Variants in PTPN2 observed in about 807,000 individuals in gnomAD.
PTPN2 encodes tyrosine-protein phosphatase non-receptor type 2.
In PTPN2, 19 loss-of-function variants were observed where a neutral mutation model predicts 57.3. The observed-to-expected ratio is 0.33, with a 90% CI of 0.23 to 0.49. The LOEUF (loss-of-function observed/expected upper bound fraction) is 0.49. Ranked by LOEUF, PTPN2 falls within the 20% of genes least tolerant of loss-of-function variation. PTPN2 has a pLI of 0.99. For missense variants in PTPN2, 358 were observed against 501.1 expected (o/e 0.71, Z 2.73); for synonymous variants, 153 against 164.9 (o/e 0.93, Z 0.55).
intron 1 of PTPN2, among the ~76,000 whole-genome samples, chr18:12,875,760 T>C (rs974125403): frequency 5.9e-5 from 9 of 152,180 alleles, no homozygotes; most frequent in African/African-American, 1.7e-4. Context: ...TCTGGACTAT[T>C]TGGAGACCAA....
At chr18:12,815,128 AT>A (rs1162172480) in intron 6 of PTPN2, among the ~76,000 whole-genome samples, 35 of 148,662 alleles carry the variant, frequency 2.4e-4, no homozygotes, top group South Asian at 6.3e-4. Context: ...AAATAAATAA[AT>A]AAATAAAAAT....
chr18:12,858,511 A>G (rs1177170069), intron 2 of PTPN2, among the ~76,000 whole-genome samples: 1 of 151,794 alleles, frequency 6.6e-6, no homozygotes, highest in Non-Finnish European at 1.5e-5. Flanking sequence ...ACTTATGCAA[A>G]AGAGTGGTAT....
At chr18:12,870,298 T>TAC (rs199522731) in intron 1 of PTPN2, among the ~76,000 whole-genome samples, 27,432 of 90,290 alleles carry the variant, frequency 0.3, 5,980 homozygotes, top group East Asian at 0.6. Context: ...TACATATATA[T>TAC]GTGTATATAT....
chr18:12,846,387 C>T (rs2043206635), intron 2 of PTPN2, among the ~76,000 whole-genome samples: 1 of 152,210 alleles, frequency 6.6e-6, no homozygotes, highest in African/African-American at 2.4e-5. Context: ...AAAGGTAGAA[C>T]TTTCCCTATC....
At chr18:12,861,208 T>C (rs897788991) in intron 1 of PTPN2, among the ~76,000 whole-genome samples, 11 of 152,348 alleles carry the variant, frequency 7.2e-5, no homozygotes, top group African/African-American at 2.6e-4. Context: ...TCCATTTTTC[T>C]GGAAGTGAAT....
At chr18:12,842,611 T>A (rs1427995841) in intron 2 of PTPN2, among the ~76,000 whole-genome samples, 1 of 152,074 alleles carries the variant, frequency 6.6e-6, no homozygotes, top group East Asian at 1.9e-4. Flanking sequence ...TGACTTAAGG[T>A]GGTACATACC....
chr18:12,873,843 G>A (rs1346691549), intron 1 of PTPN2, among the ~76,000 whole-genome samples: 2 of 152,086 alleles, frequency 1.3e-5, no homozygotes, highest in African/African-American at 4.8e-5. Flanking sequence ...AGGAAGTGAG[G>A]AGCGTCTCTG....
At position 12,874,403 on chromosome 18, in the gene PTPN2, G is replaced by A. The variant is rs548277723; in HGVS notation, c.69+9670C>T. 7.6e-3 allele frequency among the ~76,000 whole-genome samples: 1,118 copies of A among 147,810 alleles called. 22 individuals carry two copies. Among genetic ancestry groups the A allele is most frequent in the African/African-American group, 0.027 (1,081 of 39,856 alleles). ...GAAGTGAGGAGCCCCTTCCGGGAGGGAGGTGGGGGGATCAGCCCCCGCCCG... is the reference window on the plus strand; with the variant it reads ...GAAGTGAGGAGCCCCTTCCGGGAGGAAGGTGGGGGGATCAGCCCCCGCCCG... On this transcript the variant is annotated intron_variant, in intron 1 of 8. Transcript: ENST00000309660.
At chr18:12,799,549 A>T (rs2080887944) in intron 8 of PTPN2, among the ~76,000 whole-genome samples, 1 of 151,992 alleles carries the variant, frequency 6.6e-6, no homozygotes, top group South Asian at 2.1e-4. Flanking sequence ...GTTCAGAGTA[A>T]CCTTTACTTC....
chr18:12,826,607 C>T (rs1241976165), intron 4 of PTPN2, among the ~76,000 whole-genome samples: 1 of 152,114 alleles, frequency 6.6e-6, no homozygotes, highest in Non-Finnish European at 1.5e-5. Context: ...CTTGCTCTGT[C>T]GCCCAGGCTG....
chr18:12,855,425 T>TGGGG (rs2043553682), intron 2 of PTPN2, among the ~76,000 whole-genome samples: 1 of 149,788 alleles, frequency 6.7e-6, no homozygotes, highest in African/African-American at 2.5e-5. Flanking sequence ...ATGAGGAGGA[T>TGGGG]GGGGACGAAG....
At chr18:12,860,170 T>G (rs1036686377) in intron 1 of PTPN2, among the ~76,000 whole-genome samples, 3 of 152,006 alleles carry the variant, frequency 2.0e-5, no homozygotes, top group Non-Finnish European at 4.4e-5. Flanking sequence ...GTGCCTGTAA[T>G]CCCAGCTACT....
chr18:12,882,044 T>C (rs934641750), intron 1 of PTPN2, among the ~76,000 whole-genome samples: 4 of 152,176 alleles, frequency 2.6e-5, no homozygotes, highest in African/African-American at 4.8e-5. Context: ...CATTCTCTGC[T>C]GAATCCCCAA....
chr18:12,819,248 T>G, intron 5 of PTPN2: 1 of 1,460,712 alleles, frequency 6.8e-7, no homozygotes, highest in South Asian at 1.3e-5. Flanking sequence ...CATTAATAAT[T>G]TCAAATACAG....
chr18:12,863,728 C>T (rs1457877227), intron 1 of PTPN2: 2 of 152,080 alleles, frequency 1.3e-5, no homozygotes, highest in Admixed American at 1.3e-4. Context: ...GAACATATCC[C>T]CCACCAACAC....
intron 2 of PTPN2, chr18:12,844,066 T>C (rs530019883): frequency 6.6e-6 from 1 of 152,264 alleles, no homozygotes; most frequent in South Asian, 2.1e-4. Flanking sequence ...AACTGGATTG[T>C]TTTCACCCAG....
intron 1 of PTPN2, among the ~76,000 whole-genome samples, chr18:12,875,144 TCAAGTACCCAGGGACACAAA>T (rs1311225601): frequency 1.3e-5 from 2 of 152,122 alleles, no homozygotes; most frequent in East Asian, 1.9e-4. Context: ...CTCCCTAATC[TCAAGTACCCAGGGACACAAA>T]CACTGCGGAA....
intron 2 of PTPN2, among the ~76,000 whole-genome samples, chr18:12,857,369 A>G (rs938335845): frequency 6.6e-6 from 1 of 152,144 alleles, no homozygotes; most frequent in Non-Finnish European, 1.5e-5. Flanking sequence ...AAACTGGTGA[A>G]ACCTGGATGG....
intron 7 of PTPN2, among the ~76,000 whole-genome samples, chr18:12,802,949 C>T (rs1374128630): frequency 6.6e-6 from 1 of 152,006 alleles, no homozygotes; most frequent in Non-Finnish European, 1.5e-5. Flanking sequence ...AATTAATTAC[C>T]AAATTCAGAA....
Sources: gnomAD v4.1 joint callset for allele counts (sites outside exome capture counted in the v4.1 genomes callset) on GRCh38, gnomAD v4.1.1 for gene constraint, MANE v1.5 for transcripts, NCBI Gene and HGNC (gene_info 2026-07-23, HGNC 2026-07-21) for gene names.